ERGIC1: variants seen among roughly 807,000 people sequenced by gnomAD.
The protein encoded by ERGIC1 is endoplasmic reticulum-golgi intermediate compartment 1.
ERGIC1 carries 19 observed loss-of-function variants against 38.3 expected under a neutral mutation model. That is an observed-to-expected ratio of 0.50 (90% CI 0.35 to 0.73). The LOEUF is 0.73. Ranked by LOEUF, ERGIC1 falls within the 30% of genes least tolerant of loss-of-function variation. The pLI, the probability that ERGIC1 is intolerant of heterozygous loss-of-function variation, is 0.01. For missense variants in ERGIC1, 294 were observed against 389.2 expected (o/e 0.76, Z 2.06); for synonymous variants, 124 against 157.6 (o/e 0.79, Z 1.60).
rs112084483 is a variant in ERGIC1 at position 172,858,696 on chromosome 5, C to T, written c.20+24263C>T. Reference sequence around the variant, plus strand: ...AGCATAGGCCCTACTGCGTACCTGGCAGACCCAAGTTCATCATCTCGGCTG... The same window carrying T: ...AGCATAGGCCCTACTGCGTACCTGGTAGACCCAAGTTCATCATCTCGGCTG... On this transcript the variant is annotated intron_variant, in intron 1 of 9. Transcript: ENST00000393784. Among the ~76,000 whole-genome samples, 381 of 152,332 alleles carry T rather than the reference C, an allele frequency of 2.5e-3. 3 individuals carry two copies. The highest frequency in any genetic ancestry group is 8.3e-3 in the African/African-American group (346 of 41,572).
intron 1 of ERGIC1, among the ~76,000 whole-genome samples, chr5:172,859,117 C>T (rs1241101324): frequency 6.6e-6 from 1 of 152,196 alleles, no homozygotes; most frequent in Admixed American, 6.5e-5. Flanking sequence ...TGCCCCAGCC[C>T]CTTCCCTCCT....
intron 2 of ERGIC1, among the ~76,000 whole-genome samples, chr5:172,889,527 G>A (rs1325414346): frequency 6.6e-6 from 1 of 152,146 alleles, no homozygotes; most frequent in Non-Finnish European, 1.5e-5. Context: ...AGATAGAGGA[G>A]CCTGGAGTGC....
At chr5:172,900,085 T>G (rs1232252945) in intron 3 of ERGIC1, among the ~76,000 whole-genome samples, 1 of 152,156 alleles carries the variant, frequency 6.6e-6, no homozygotes, top group East Asian at 1.9e-4. Flanking sequence ...TGACAGCGTG[T>G]GGGGTGGCAT....
chr5:172,901,883 G>T (rs536997055), intron 3 of ERGIC1, among the ~76,000 whole-genome samples: 2 of 152,320 alleles, frequency 1.3e-5, no homozygotes, highest in South Asian at 2.1e-4. Flanking sequence ...TTATAGGCAT[G>T]CAGGCTGCCC....
intron 3 of ERGIC1, among the ~76,000 whole-genome samples, chr5:172,901,918 G>A (rs1185547115): frequency 6.6e-6 from 1 of 152,188 alleles, no homozygotes; most frequent in Admixed American, 6.5e-5. Flanking sequence ...CTTCATGATG[G>A]TCATCTCATT....
intron 1 of ERGIC1, among the ~76,000 whole-genome samples, chr5:172,848,055 T>C (rs1001687830): frequency 6.6e-6 from 1 of 152,224 alleles, no homozygotes; most frequent in Admixed American, 6.5e-5. Flanking sequence ...GTTGAAGACA[T>C]AGTAGTGCCA....
At chr5:172,905,606 G>T in intron 3 of ERGIC1, 1 of 355,388 alleles carries the variant, frequency 2.8e-6, no homozygotes, top group South Asian at 2.1e-5. Flanking sequence ...CCTCTAGTCC[G>T]ATCAGGAGCG....
At chr5:172,873,802 G>T (rs1762077158) in intron 1 of ERGIC1, among the ~76,000 whole-genome samples, 1 of 152,208 alleles carries the variant, frequency 6.6e-6, no homozygotes, top group South Asian at 2.1e-4. Flanking sequence ...GACAGAGTAG[G>T]CCAAGTGTCT....
At chr5:172,894,197 T>TTC (rs1437652518) in intron 2 of ERGIC1, among the ~76,000 whole-genome samples, 2 of 131,484 alleles carry the variant, frequency 1.5e-5, no homozygotes, top group African/African-American at 2.8e-5. Context: ...AACTTTTTCT[T>TTC]TTTTTTTTTT....
At chr5:172,875,238 C>T (rs1762116318) in intron 1 of ERGIC1, among the ~76,000 whole-genome samples, 1 of 152,088 alleles carries the variant, frequency 6.6e-6, no homozygotes, top group Non-Finnish European at 1.5e-5. Flanking sequence ...TCTCATGTAA[C>T]AAGAAGACTG....
chr5:172,868,542 G>T (rs555971776), intron 1 of ERGIC1, among the ~76,000 whole-genome samples: 1 of 152,232 alleles, frequency 6.6e-6, no homozygotes, highest in Non-Finnish European at 1.5e-5. Flanking sequence ...GTTGCCAGGG[G>T]TTGCGGGAGG....
chr5:172,858,881 G>C (rs983835615), intron 1 of ERGIC1, among the ~76,000 whole-genome samples: 4 of 152,202 alleles, frequency 2.6e-5, no homozygotes, highest in Non-Finnish European at 5.9e-5. Flanking sequence ...TGGGTAACAC[G>C]GGGGAGATTA....
Position 172,932,465 on chromosome 5 carries a change from A to G in ERGIC1, c.571A>G (p.Ile191Val), listed in dbSNP as rs1320510678. The G allele has an allele frequency of 1.9e-6, 3 of 1,614,020 alleles. No homozygotes were observed. The highest frequency in any genetic ancestry group is 1.6e-4 in the Middle Eastern group (1 of 6,084). ...PLASHDYILK[I>V]VPTVYEDKSG... ...GGCCTCCCACGACTACATCCTGAAG[A>G]TTGTGCCCACGGTTTATGAGGACAA... The change falls in exon 8 of 10, where the codon ATT becomes GTT. Residue 191 changes from isoleucine to valine, a missense_variant. This residue lies in a region of ERGIC1 where 109 missense variants were observed against 112.7 expected (regional missense o/e 0.97). Transcript: ENST00000393784.
intron 1 of ERGIC1, among the ~76,000 whole-genome samples, chr5:172,866,548 C>G (rs1450339349): frequency 2.0e-5 from 3 of 152,240 alleles, no homozygotes; most frequent in African/African-American, 7.2e-5. Context: ...AGCACTCCCC[C>G]ATGGGGGCCA....
intron 2 of ERGIC1, among the ~76,000 whole-genome samples, chr5:172,895,452 G>C (rs921991026): frequency 4.0e-5 from 6 of 151,560 alleles, no homozygotes; most frequent in South Asian, 2.1e-4. Flanking sequence ...ATAAACTCAG[G>C]TGTGGCGTAT....
rs1581580600 is a variant in ERGIC1 at position 172,926,673 on chromosome 5, C to G, written c.541+104C>G. The G allele has an allele frequency of 7.7e-7, 1 of 1,292,830 alleles. No individual in the cohort carries two copies. The highest frequency in any genetic ancestry group is 2.3e-5 in the East Asian group (1 of 42,886). The allele number at this position is 1,292,830 out of a possible 1,614,324, so 80.1% of individuals were successfully genotyped here. A position where few individuals can be genotyped will look rare whatever the true frequency, so the allele number is the denominator to read the frequency against. ...GGGGGTGCCTGTCCAGCACCCACTC[C>G]AAGGCAGGGAGGCTGCTGCTCACAC... On this transcript the variant is annotated intron_variant, in intron 7 of 9. Coordinates refer to ENST00000393784, the MANE Select transcript of ERGIC1 (RefSeq NM_001031711.3). This position sits in a 1 kb window ranked among gnomAD's most constrained non-coding sequence, Gnocchi z 5.2.
intron 2 of ERGIC1, among the ~76,000 whole-genome samples, chr5:172,893,899 A>ATGTG (rs1156930879): frequency 7.7e-4 from 10 of 13,038 alleles, no homozygotes; most frequent in African/African-American, 9.3e-4. Context: ...ATATATATAT[A>ATGTG]TATATATGTG....
At chr5:172,945,490 A>T (rs1217775990) in intron 9 of ERGIC1, among the ~76,000 whole-genome samples, 8 of 152,194 alleles carry the variant, frequency 5.3e-5, no homozygotes, top group African/African-American at 1.9e-4. Flanking sequence ...CTGGGGAATA[A>T]GTAATATTTT....
intron 3 of ERGIC1, among the ~76,000 whole-genome samples, chr5:172,908,510 A>T (rs934661306): frequency 1.3e-5 from 2 of 151,584 alleles, no homozygotes; most frequent in Non-Finnish European, 2.9e-5. Flanking sequence ...TGGGAGATGG[A>T]GGTTGGAGTG....
Sources: gnomAD v4.1 joint callset for allele counts (sites outside exome capture counted in the v4.1 genomes callset) on GRCh38, gnomAD v4.1.1 for gene constraint, gnomAD v4.1.1 regional missense constraint, Gnocchi (gnomAD v3.1) non-coding constraint, MANE v1.5 for transcripts, NCBI Gene and HGNC (gene_info 2026-07-23, HGNC 2026-07-21) for gene names.